The following JMJD1C variants were observed in gnomAD, a reference collection of about 807,000 sequenced individuals.
JMJD1C encodes jumonji domain-containing protein 1C.
JMJD1C carries 31 observed loss-of-function variants against 245.3 expected under a neutral mutation model. The observed-to-expected ratio is 0.13, with a 90% CI of 0.09 to 0.17. JMJD1C has a LOEUF of 0.17. JMJD1C is among the 10% of genes least tolerant of loss of function. The pLI is 1.00. For synonymous variants in JMJD1C, 1,057 were observed against 1,017.4 expected, an observed-to-expected ratio of 1.04 and a Z score of -0.74; for missense variants, 2,691 against 3,000.2, an observed-to-expected ratio of 0.90 and a Z score of 2.41.
intron 19 of JMJD1C, 89 bp downstream of exon 19, chr10:63,186,126 C>A: frequency 9.7e-7 from 1 of 1,030,654 alleles, no homozygotes; most frequent in South Asian, 1.4e-5. Flanking sequence ...ACAGATGTTT[C>A]AAAGACTAAA....
In JMJD1C at chr10:63,282,860, G is replaced by A. The variant is rs542598992; in HGVS notation, c.334-18096C>T. On this transcript the variant is annotated intron_variant, in intron 2 of 25. Transcript: ENST00000399262. ...GCCTCCCAAGTAGCTGGGACTACAG[G>A]CGCGTGCCACCACGCCTGACTAATT... 7.2e-4 allele frequency among the ~76,000 whole-genome samples: 110 copies of A among 152,278 alleles called. 1 individual carries two copies. Among genetic ancestry groups the A allele is most frequent in the Middle Eastern group, 6.8e-3 (2 of 294 alleles).
Position 63,208,756 on chromosome 10 carries a change from T to G in JMJD1C, c.2913A>C (p.Ala971=), listed in dbSNP as rs778682636. 6.2e-7 allele frequency: 1 copy of G among 1,613,040 alleles called. No individual in the cohort carries two copies. Among genetic ancestry groups the G allele is most frequent in the Non-Finnish European group, 8.5e-7 (1 of 1,179,644 alleles). The part of the protein sequence containing the change: ...KAFMEPLRSV[A]STSAKNDLDL... ...CCAGGTCATTTTTGGCTGATGTGGATGCAACAGACCGTAATGGTTCCATAA... is the reference window on the plus strand; with the variant it reads ...CCAGGTCATTTTTGGCTGATGTGGAGGCAACAGACCGTAATGGTTCCATAA... The change falls in exon 10 of 26, where the codon GCA becomes GCC. Residue 971 remains alanine, a synonymous_variant. Coordinates refer to ENST00000399262, the MANE Select transcript of JMJD1C (RefSeq NM_032776.3).
At chr10:63,454,144 C>T (rs1952249718) in intron 1 of JMJD1C, among the ~76,000 whole-genome samples, 1 of 152,132 alleles carries the variant, frequency 6.6e-6, no homozygotes, top group South Asian at 2.1e-4. Context: ...CACATCTACA[C>T]TTTTTGCAAT....
At chr10:63,414,906 C>CA (rs751283631) in intron 1 of JMJD1C, among the ~76,000 whole-genome samples, 6,111 of 92,156 alleles carry the variant, frequency 0.066, 164 homozygotes, top group Middle Eastern at 0.16. Flanking sequence ...GACTCTATCT[C>CA]AAAAAAAAAA....
intron 3 of JMJD1C, among the ~76,000 whole-genome samples, chr10:63,254,122 G>A (rs1202744554): frequency 6.6e-6 from 1 of 152,010 alleles, no homozygotes; most frequent in East Asian, 1.9e-4. Context: ...TCATTTTAAA[G>A]TATTTTATTT....
At chr10:63,301,893 C>T (rs1165721751) in intron 2 of JMJD1C, 6 of 300,646 alleles carry the variant, frequency 2.0e-5, no homozygotes, top group Non-Finnish European at 3.3e-5. Context: ...CTGTCCTACA[C>T]TTTAAAAAAA....
chr10:63,177,584 C>A, intron 23 of JMJD1C, 133 bp downstream of exon 23: 1 of 883,166 alleles, frequency 1.1e-6, no homozygotes, highest in East Asian at 2.6e-5. Flanking sequence ...TGACTTTCAA[C>A]AAAAACTCCC....
intron 2 of JMJD1C, among the ~76,000 whole-genome samples, chr10:63,357,470 T>C (rs1564827826): frequency 6.6e-6 from 1 of 152,004 alleles, no homozygotes; most frequent in Non-Finnish European, 1.5e-5. Context: ...CACACCTGGT[T>C]AATTTTTGTA....
chr10:63,333,961 T>TA (rs1205140538), intron 2 of JMJD1C, among the ~76,000 whole-genome samples: 3 of 151,982 alleles, frequency 2.0e-5, no homozygotes, highest in East Asian at 1.9e-4. Flanking sequence ...GCAGATCAAT[T>TA]AAAAAAAATA....
intron 1 of JMJD1C, among the ~76,000 whole-genome samples, chr10:63,438,421 C>A (rs1259516760): frequency 6.6e-6 from 1 of 152,140 alleles, no homozygotes; most frequent in Non-Finnish European, 1.5e-5. Context: ...AGAATCGTTA[C>A]AATTGCCTCC....
chr10:63,287,820 C>T (rs1858171094), intron 2 of JMJD1C, among the ~76,000 whole-genome samples: 1 of 151,968 alleles, frequency 6.6e-6, no homozygotes, highest in Non-Finnish European at 1.5e-5. Flanking sequence ...ACGGTCTTGG[C>T]TCCTTGCAAC....
At position 63,197,407 on chromosome 10, in the gene JMJD1C, C is replaced by G; in HGVS notation, c.5644+4G>C. On this transcript the variant is annotated splice_donor_region_variant and intron_variant, in intron 13 of 25. Coordinates refer to ENST00000399262, the MANE Select transcript of JMJD1C (RefSeq NM_032776.3). Reference sequence around the variant, plus strand: ...CTTCAATTTATATAAACTTATACACCAACCTCTAGAACTCTTCCTTTCCTT... The same window carrying G: ...CTTCAATTTATATAAACTTATACACGAACCTCTAGAACTCTTCCTTTCCTT... 1 of 1,609,742 alleles carries G rather than the reference C, an allele frequency of 6.2e-7. No individual in the cohort carries two copies. The highest frequency in any genetic ancestry group is 8.5e-7 in the Non-Finnish European group (1 of 1,178,482).
At chr10:63,444,301 T>C (rs1053484545) in intron 1 of JMJD1C, among the ~76,000 whole-genome samples, 2 of 151,900 alleles carry the variant, frequency 1.3e-5, no homozygotes, top group Non-Finnish European at 2.9e-5. Context: ...TGAGATAGAG[T>C]CTCACTCTGT....
chr10:63,477,538 T>C (rs974178488), intron 1 of JMJD1C, among the ~76,000 whole-genome samples: 4 of 133,040 alleles, frequency 3.0e-5, no homozygotes, highest in Non-Finnish European at 6.3e-5. Flanking sequence ...CCGGAACAAT[T>C]TGTCATCCAT....
At chr10:63,227,887 G>C (rs920251107) in intron 3 of JMJD1C, among the ~76,000 whole-genome samples, 1 of 152,176 alleles carries the variant, frequency 6.6e-6, no homozygotes, top group Non-Finnish European at 1.5e-5. Flanking sequence ...TGAATGTTAA[G>C]TCCACAAGAG....
intron 2 of JMJD1C, among the ~76,000 whole-genome samples, chr10:63,359,967 T>C (rs1945183519): frequency 6.6e-6 from 1 of 152,044 alleles, no homozygotes; most frequent in Non-Finnish European, 1.5e-5. Flanking sequence ...ATGGAAGACC[T>C]TATCTTTTCT....
chr10:63,205,104 T>C (rs1437312641), intron 10 of JMJD1C: 1 of 771,050 alleles, frequency 1.3e-6, no homozygotes, highest in African/African-American at 1.9e-5. Context: ...TTATAGTGAA[T>C]ATTACTGTTA....
chr10:63,344,632 G>T (rs1943654858), intron 2 of JMJD1C, among the ~76,000 whole-genome samples: 1 of 152,052 alleles, frequency 6.6e-6, no homozygotes, highest in Non-Finnish European at 1.5e-5. Flanking sequence ...ACTGGTAGAA[G>T]GCCATGTATC....
At chr10:63,195,066 A>G (rs1845286397) in intron 13 of JMJD1C, among the ~76,000 whole-genome samples, 1 of 152,142 alleles carries the variant, frequency 6.6e-6, no homozygotes, top group African/African-American at 2.4e-5. Flanking sequence ...AAAAAAATCT[A>G]GAACTAGACC....
Sources: allele counts gnomAD v4.1 joint callset (sites outside exome capture counted in the v4.1 genomes callset), GRCh38; gene constraint gnomAD v4.1.1; transcripts MANE v1.5; gene names NCBI Gene and HGNC (gene_info 2026-07-23, HGNC 2026-07-21).